The following MPHOSPH9 variants were observed in gnomAD, a reference collection of about 807,000 sequenced individuals.
MPHOSPH9 encodes M-phase phosphoprotein 9.
Under a neutral mutation model 145.5 loss-of-function variants are expected in MPHOSPH9, and 88 were observed. That is an observed-to-expected ratio of 0.60 (90% CI 0.51 to 0.72). The LOEUF is 0.72. Ranked by LOEUF, MPHOSPH9 falls within the 30% of genes least tolerant of loss-of-function variation. The probability of loss-of-function intolerance (pLI) is 0.00; values close to 1 mark genes in which losing one functional copy is unlikely to be tolerated. For missense variants in MPHOSPH9, 1,238 were observed against 1,386.6 expected, an observed-to-expected ratio of 0.89 and a Z score of 1.70; for synonymous variants, 435 against 486.2, an observed-to-expected ratio of 0.89 and a Z score of 1.39.
intron 7 of MPHOSPH9, among the ~76,000 whole-genome samples, chr12:123,211,076 C>T (rs1431151292): frequency 6.6e-6 from 1 of 151,270 alleles, no homozygotes; most frequent in Non-Finnish European, 1.5e-5. Flanking sequence ...CCTCCGCCTC[C>T]CAGGTTCAAG....
chr12:123,227,042 G>T (rs765560747), intron 3 of MPHOSPH9, among the ~76,000 whole-genome samples: 1 of 152,172 alleles, frequency 6.6e-6, no homozygotes, highest in Non-Finnish European at 1.5e-5. Flanking sequence ...TATCACAGCT[G>T]AATATGGTAA....
At position 123,183,267 on chromosome 12, in the gene MPHOSPH9, G is replaced by C. The variant is rs562425473; in HGVS notation, c.2242-2057C>G. Among the ~76,000 whole-genome samples, 7 of 151,500 alleles carry C rather than the reference G, an allele frequency of 4.6e-5. No homozygotes were observed. The South Asian group carries it at 1.5e-3, about 32-fold the overall frequency. On this transcript the variant is annotated intron_variant, in intron 13 of 23. Transcript: ENST00000606320. ...AAAATTGAAAAGAAACAAAGTGCTGGCCGGGCGTGGTAGCTCACACCTGTA... is the reference window on the plus strand; with the variant it reads ...AAAATTGAAAAGAAACAAAGTGCTGCCCGGGCGTGGTAGCTCACACCTGTA...
chr12:123,243,134 CAAAA>C (rs1458455898), intron 1 of MPHOSPH9, among the ~76,000 whole-genome samples: 9 of 152,118 alleles, frequency 5.9e-5, no homozygotes, highest in African/African-American at 2.2e-4. Context: ...ACACATTAAA[CAAAA>C]CCAGTTTTTA....
chr12:123,218,096 A>G (rs1436911488), intron 6 of MPHOSPH9, among the ~76,000 whole-genome samples: 1 of 151,666 alleles, frequency 6.6e-6, no homozygotes, highest in Non-Finnish European at 1.5e-5. Context: ...CTGTACCACC[A>G]TGTACCACCT....
At chr12:123,190,184 G>A (rs1284684826) in intron 13 of MPHOSPH9, among the ~76,000 whole-genome samples, 2 of 147,768 alleles carry the variant, frequency 1.4e-5, no homozygotes, top group Non-Finnish European at 1.5e-5. Flanking sequence ...ATGGAGTCTC[G>A]CTCTGTCGCC....
intron 21 of MPHOSPH9, 125 bp from the exon 22 acceptor site, chr12:123,161,508 G>C: frequency 1.1e-6 from 1 of 951,816 alleles, no homozygotes; most frequent in Non-Finnish European, 1.6e-6. Flanking sequence ...AAAAAGTAAT[G>C]AAAAGAGATA....
chr12:123,182,066 G>A (rs571505032), intron 13 of MPHOSPH9, among the ~76,000 whole-genome samples: 38 of 148,118 alleles, frequency 2.6e-4, no homozygotes, highest in East Asian at 1.3e-3. Context: ...TCAGCCTCCC[G>A]AGTAGCTGGG....
chr12:123,235,627 C>A (rs948930434), upstream of MPHOSPH9, among the ~76,000 whole-genome samples: 1 of 151,544 alleles, frequency 6.6e-6, no homozygotes, highest in African/African-American at 2.4e-5. Flanking sequence ...CTGCCTCGGC[C>A]TCCCACGGTG....
chr12:123,216,654 C>T (rs995949024), intron 6 of MPHOSPH9, among the ~76,000 whole-genome samples: 1 of 152,042 alleles, frequency 6.6e-6, no homozygotes, highest in African/African-American at 2.4e-5. Flanking sequence ...AGTTTGAGAC[C>T]AGCCTGGGCA....
chr12:123,191,436 G>A (rs1356628068), intron 13 of MPHOSPH9, among the ~76,000 whole-genome samples: 3 of 152,182 alleles, frequency 2.0e-5, no homozygotes, highest in South Asian at 2.1e-4. Context: ...GACTACAGGC[G>A]TGCATCACCA....
At chr12:123,153,141 C>T (rs2043807172), downstream of MPHOSPH9, 1 of 152,292 alleles carries the variant, frequency 6.6e-6, no homozygotes, top group African/African-American at 2.4e-5. Context: ...CAAGCTGTCA[C>T]CTTTAGATGA....
intron 17 of MPHOSPH9, 106 bp from the exon 18 acceptor site, chr12:123,165,583 A>G: frequency 9.4e-7 from 1 of 1,062,958 alleles, no homozygotes; most frequent in Non-Finnish European, 1.4e-6. Flanking sequence ...CTTCAATGTG[A>G]TGGTGTGTGG....
chr12:123,165,653 G>C, intron 17 of MPHOSPH9, 176 bp from the exon 18 acceptor site: 1 of 557,860 alleles, frequency 1.8e-6, no homozygotes, highest in South Asian at 2.9e-5. Flanking sequence ...AAGCCTCCAA[G>C]ATGGGATTAA....
intron 8 of MPHOSPH9, 30 bp downstream of exon 8, chr12:123,210,026 G>T: frequency 6.5e-7 from 1 of 1,531,508 alleles, no homozygotes; most frequent in Non-Finnish European, 8.9e-7. Flanking sequence ...GTAAGCCACC[G>T]CGCCCGGCCA....
chr12:123,175,346 G>C (rs1245261572), intron 16 of MPHOSPH9, among the ~76,000 whole-genome samples: 2 of 151,958 alleles, frequency 1.3e-5, no homozygotes, highest in East Asian at 1.9e-4. Flanking sequence ...GTAGAGACAG[G>C]GTTTCATCGT....
chr12:123,225,109 G>A (rs2047382957), intron 3 of MPHOSPH9, among the ~76,000 whole-genome samples: 1 of 152,056 alleles, frequency 6.6e-6, no homozygotes, highest in Non-Finnish European at 1.5e-5. Context: ...TTTCATTTCA[G>A]GATAATATAA....
intron 13 of MPHOSPH9, among the ~76,000 whole-genome samples, chr12:123,193,856 A>C (rs1215523827): frequency 6.6e-6 from 1 of 151,882 alleles, no homozygotes; most frequent in Admixed American, 6.6e-5. Context: ...ACCTGCTAGA[A>C]ACAGAAAAGA....
At chr12:123,213,387 T>A (rs904174704) in intron 7 of MPHOSPH9, among the ~76,000 whole-genome samples, 1 of 152,130 alleles carries the variant, frequency 6.6e-6, no homozygotes, top group African/African-American at 2.4e-5. Flanking sequence ...TTGCCCAGGC[T>A]GGAGTGCAGT....
chr12:123,213,783 CTG>C (rs1386297099), intron 7 of MPHOSPH9, among the ~76,000 whole-genome samples: 2 of 152,086 alleles, frequency 1.3e-5, no homozygotes, highest in African/African-American at 4.8e-5. Context: ...TGTAAGGACT[CTG>C]TGAACAACAG....
Sources: gnomAD v4.1 joint callset for allele counts (sites outside exome capture counted in the v4.1 genomes callset) on GRCh38, gnomAD v4.1.1 for gene constraint, MANE v1.5 for transcripts, NCBI Gene and HGNC (gene_info 2026-07-23, HGNC 2026-07-21) for gene names.